The following CAB39 variants were observed in gnomAD, a reference collection of about 807,000 sequenced individuals.
CAB39 encodes calcium-binding protein 39.
CAB39 carries 8 observed loss-of-function variants against 40.0 expected under a neutral mutation model. That is an observed-to-expected ratio of 0.20 (90% confidence interval 0.12 to 0.36). The LOEUF is 0.36. CAB39 is among the 10% of genes least tolerant of loss of function. The pLI is 1.00. For missense variants in CAB39, 270 were observed against 401.1 expected (o/e 0.67, Z 2.79); for synonymous variants, 156 against 141.6 (o/e 1.10, Z -0.72).
At chr2:230,809,801 G>A (rs1696273420) in intron 5 of CAB39, among the ~76,000 whole-genome samples, 1 of 152,204 alleles carries the variant, frequency 6.6e-6, no homozygotes, top group Admixed American at 6.5e-5. Flanking sequence ...GAACTTAGGA[G>A]GAAGAAAATA....
chr2:230,754,725 G>A (rs1215203317), intron 1 of CAB39, among the ~76,000 whole-genome samples: 13 of 152,152 alleles, frequency 8.5e-5, no homozygotes, highest in African/African-American at 2.7e-4. Context: ...TGCCATGTTG[G>A]CCAGGCTGGT....
chr2:230,797,779 A>G (rs940173675), intron 4 of CAB39, among the ~76,000 whole-genome samples: 3 of 152,140 alleles, frequency 2.0e-5, no homozygotes, highest in South Asian at 4.1e-4. Flanking sequence ...AAAGGAGAAC[A>G]TGAAAGGTTT....
chr2:230,739,360 C>T (rs888754624), intron 1 of CAB39, among the ~76,000 whole-genome samples: 11 of 152,156 alleles, frequency 7.2e-5, no homozygotes, highest in Non-Finnish European at 1.5e-4. Flanking sequence ...GTTAGGGTAT[C>T]TGTGAATAAA....
At chr2:230,810,042 T>C (rs1696277182) in intron 5 of CAB39, among the ~76,000 whole-genome samples, 1 of 152,236 alleles carries the variant, frequency 6.6e-6, no homozygotes, top group African/African-American at 2.4e-5. Flanking sequence ...CTAAGAGCTG[T>C]AGATCCATGA....
intron 1 of CAB39, among the ~76,000 whole-genome samples, chr2:230,751,153 T>C (rs979893931): frequency 2.0e-5 from 3 of 152,256 alleles, no homozygotes; most frequent in Non-Finnish European, 4.4e-5. Context: ...TTAATAATCC[T>C]TGTAGGCAAC....
intron 8 of CAB39, chr2:230,818,152 G>A (rs1001321979): frequency 2.1e-6 from 1 of 472,502 alleles, no homozygotes; most frequent in South Asian, 3.4e-5. Flanking sequence ...ATTAGTAACT[G>A]CAAAACAAAA....
chr2:230,758,494 T>G (rs1695233005), intron 1 of CAB39, among the ~76,000 whole-genome samples: 1 of 152,208 alleles, frequency 6.6e-6, no homozygotes, highest in South Asian at 2.1e-4. Flanking sequence ...TACTTGTTTA[T>G]GATTTAGTTG....
intron 1 of CAB39, among the ~76,000 whole-genome samples, chr2:230,745,510 C>T (rs948807737): frequency 6.6e-6 from 1 of 152,136 alleles, no homozygotes; most frequent in Non-Finnish European, 1.5e-5. Context: ...CTCTATGCAG[C>T]ATATATCTGA....
At chr2:230,787,969 A>G (rs1026062893) in intron 2 of CAB39, among the ~76,000 whole-genome samples, 2 of 152,190 alleles carry the variant, frequency 1.3e-5, no homozygotes, top group Non-Finnish European at 2.9e-5. Flanking sequence ...CTCATCCTGC[A>G]TTACTGGACA....
intron 1 of CAB39, among the ~76,000 whole-genome samples, chr2:230,740,940 A>G (rs1308081488): frequency 6.6e-6 from 1 of 152,236 alleles, no homozygotes; most frequent in African/African-American, 2.4e-5. Context: ...TGTGACTATT[A>G]AAACTTAACA....
intron 2 of CAB39, among the ~76,000 whole-genome samples, chr2:230,773,635 G>A (rs1695532329): frequency 6.6e-6 from 1 of 152,182 alleles, no homozygotes; most frequent in African/African-American, 2.4e-5. Flanking sequence ...AAACTCTACT[G>A]TGAGGAACAG....
At chr2:230,790,124 G>A (rs917049211) in intron 2 of CAB39, among the ~76,000 whole-genome samples, 1 of 152,110 alleles carries the variant, frequency 6.6e-6, no homozygotes, top group Non-Finnish European at 1.5e-5. Context: ...CTACCCAGGA[G>A]GCTAAGGAGG....
chr2:230,733,520 A>G (rs1694732581), intron 1 of CAB39, among the ~76,000 whole-genome samples: 1 of 152,204 alleles, frequency 6.6e-6, no homozygotes, highest in Non-Finnish European at 1.5e-5. Context: ...GCTCTAAAGT[A>G]TTCGACTTTG....
At chr2:230,817,200 A>G (rs1308410105) in intron 7 of CAB39, among the ~76,000 whole-genome samples, 1 of 152,150 alleles carries the variant, frequency 6.6e-6, no homozygotes, top group Non-Finnish European at 1.5e-5. Flanking sequence ...GAGACCTAAG[A>G]AGGAGCAGAA....
intron 1 of CAB39, among the ~76,000 whole-genome samples, chr2:230,726,014 G>A (rs781180078): frequency 1.7e-4 from 26 of 152,140 alleles, no homozygotes; most frequent in Non-Finnish European, 2.5e-4. Context: ...TCTATTAAAT[G>A]TCTGAGATAA....
At chr2:230,803,814 C>A (rs1392376909) in intron 5 of CAB39, among the ~76,000 whole-genome samples, 1 of 152,136 alleles carries the variant, frequency 6.6e-6, no homozygotes, top group African/African-American at 2.4e-5. Context: ...ATGAAAATGG[C>A]CATACTGCCC....
At chr2:230,790,392 C>T (rs1419113899) in intron 2 of CAB39, among the ~76,000 whole-genome samples, 1 of 152,192 alleles carries the variant, frequency 6.6e-6, no homozygotes, top group East Asian at 1.9e-4. Context: ...TTTGCACTCA[C>T]CCATTTTCTG....
chr2:230,757,961 A>T (rs1695222519), intron 1 of CAB39, among the ~76,000 whole-genome samples: 1 of 152,118 alleles, frequency 6.6e-6, no homozygotes, highest in Non-Finnish European at 1.5e-5. Flanking sequence ...GTCAGTTCAA[A>T]CTTTTAGGCA....
intron 1 of CAB39, among the ~76,000 whole-genome samples, chr2:230,745,627 T>C (rs1694959438): frequency 6.6e-6 from 1 of 152,166 alleles, no homozygotes; most frequent in African/African-American, 2.4e-5. Context: ...TTTTTTCTTT[T>C]TTTTGCAGGG....
Sources: allele counts gnomAD v4.1 joint callset (sites outside exome capture counted in the v4.1 genomes callset), GRCh38; gene constraint gnomAD v4.1.1; transcripts MANE v1.5; gene names NCBI Gene and HGNC (gene_info 2026-07-23, HGNC 2026-07-21).